BTRC: variants seen among roughly 807,000 people sequenced by gnomAD.
BTRC encodes beta-transducin repeat containing E3 ubiquitin protein ligase, also known as F-box/WD repeat-containing protein 1A.
Under a neutral mutation model 85.5 loss-of-function variants are expected in BTRC, and 42 were observed. That is an observed-to-expected ratio of 0.49 (90% CI 0.38 to 0.64). The LOEUF is 0.64. Among genes scored for constraint, BTRC ranks in the 30% least tolerant of loss-of-function variants. BTRC has a pLI of 0.00. For missense variants in BTRC, 594 were observed against 743.5 expected (o/e 0.80, Z 2.34); for synonymous variants, 255 against 263.3 (o/e 0.97, Z 0.30).
intron 1 of BTRC, among the ~76,000 whole-genome samples, chr10:101,362,102 A>G (rs1942224672): frequency 6.6e-6 from 1 of 152,052 alleles, no homozygotes; most frequent in Admixed American, 6.6e-5. Flanking sequence ...CTGGGATTAC[A>G]GGCACGTACC....
intron 4 of BTRC, among the ~76,000 whole-genome samples, chr10:101,519,951 C>T (rs376069351): frequency 1.3e-5 from 2 of 152,112 alleles, no homozygotes; most frequent in Middle Eastern, 3.4e-3. Context: ...GCCGAGATCA[C>T]GCTATTGCAC....
intron 2 of BTRC, among the ~76,000 whole-genome samples, chr10:101,441,091 A>C (rs1464964056): frequency 6.6e-6 from 1 of 152,234 alleles, no homozygotes; most frequent in Admixed American, 6.5e-5. Context: ...GTTTTCAAAA[A>C]TCATTCTTGT....
At chr10:101,529,979 C>T (rs951972425) in intron 6 of BTRC, among the ~76,000 whole-genome samples, 1 of 152,206 alleles carries the variant, frequency 6.6e-6, no homozygotes, top group Non-Finnish European at 1.5e-5. Context: ...GGTTTACTAG[C>T]TTCCACACCG....
chr10:101,446,992 G>T (rs1346200660), intron 2 of BTRC, among the ~76,000 whole-genome samples: 4 of 151,674 alleles, frequency 2.6e-5, no homozygotes, highest in Non-Finnish European at 1.5e-5. Flanking sequence ...TGAATACTGT[G>T]GGGGGTGGTG....
At chr10:101,481,391 T>C (rs1212145928) in intron 4 of BTRC, among the ~76,000 whole-genome samples, 1 of 152,298 alleles carries the variant, frequency 6.6e-6, no homozygotes, top group East Asian at 1.9e-4. Flanking sequence ...GACTTCTGGC[T>C]AAATAAGGTA....
At chr10:101,398,637 C>T (rs932556427) in intron 1 of BTRC, among the ~76,000 whole-genome samples, 2 of 152,190 alleles carry the variant, frequency 1.3e-5, no homozygotes, top group African/African-American at 2.4e-5. Flanking sequence ...TTTAATTGCA[C>T]ATAGTTGAAC....
intron 4 of BTRC, among the ~76,000 whole-genome samples, chr10:101,493,182 C>T (rs547101798): frequency 2.6e-5 from 4 of 152,130 alleles, no homozygotes; most frequent in East Asian, 1.9e-4. Flanking sequence ...TTCACTTGCA[C>T]GGGTAGGTTC....
chr10:101,468,604 G>T (rs1945441351), intron 3 of BTRC, among the ~76,000 whole-genome samples: 1 of 152,022 alleles, frequency 6.6e-6, no homozygotes, highest in Admixed American at 6.6e-5. Flanking sequence ...CCATATTCTT[G>T]TGTGGGACAT....
chr10:101,411,237 A>G (rs1159341824), intron 1 of BTRC, among the ~76,000 whole-genome samples: 1 of 151,824 alleles, frequency 6.6e-6, no homozygotes, highest in Non-Finnish European at 1.5e-5. Context: ...CAAGAAATCT[A>G]CCTGCCTCGG....
intron 4 of BTRC, among the ~76,000 whole-genome samples, chr10:101,484,033 T>C (rs779007184): frequency 3.9e-5 from 6 of 152,238 alleles, no homozygotes; most frequent in Admixed American, 6.5e-5. Flanking sequence ...TTGAATTGTT[T>C]GAATACATCT....
chr10:101,377,416 A>G (rs773847300), intron 1 of BTRC, among the ~76,000 whole-genome samples: 2 of 152,228 alleles, frequency 1.3e-5, no homozygotes, highest in Non-Finnish European at 2.9e-5. Context: ...ATGAGGGAGA[A>G]TTGCGTGATA....
chr10:101,454,127 C>CT (rs34726593), intron 2 of BTRC, among the ~76,000 whole-genome samples: 2 of 152,070 alleles, frequency 1.3e-5, no homozygotes, highest in South Asian at 2.1e-4. Flanking sequence ...CAAAACAAAA[C>CT]TTTTTTTTAA....
intron 6 of BTRC, among the ~76,000 whole-genome samples, chr10:101,530,947 C>T (rs990408655): frequency 1.2e-4 from 19 of 152,108 alleles, no homozygotes; most frequent in South Asian, 6.2e-4. Flanking sequence ...GCCAAGCAGG[C>T]GGGTCATTTG....
chr10:101,506,119 G>C (rs916763116), intron 4 of BTRC, among the ~76,000 whole-genome samples: 1 of 152,086 alleles, frequency 6.6e-6, no homozygotes, highest in Non-Finnish European at 1.5e-5. Context: ...TCACCATGTT[G>C]GTCAGGCTGA....
At chr10:101,366,798 T>TAATATATATA (rs1564729692) in intron 1 of BTRC, among the ~76,000 whole-genome samples, 3 of 87,790 alleles carry the variant, frequency 3.4e-5, no homozygotes, top group Non-Finnish European at 6.2e-5. Context: ...ATTTTTACAT[T>TAATATATATA]TATATATATA....
chr10:101,526,014 T>A lies in BTRC; in HGVS notation c.558T>A (p.Ala186=), dbSNP rs2062185987. The A allele has an allele frequency of 6.2e-7, 1 of 1,613,036 alleles. No individual in the cohort carries two copies. The highest frequency in any genetic ancestry group is 1.3e-5 in the African/African-American group (1 of 74,898). ...TTTGCCTCCTCCCCCTACTGAAAGC[T>A]CGGGGATTGGATCATATTGCTGAGA... ...LQRDFITALP[A]RGLDHIAENI... The change falls in exon 6 of 15, where the codon GCT becomes GCA. Residue 186 remains alanine, a splice_region_variant and synonymous_variant. Coordinates refer to ENST00000370187, the MANE Select transcript of BTRC (RefSeq NM_033637.4).
At chr10:101,460,935 C>T (rs1192672549) in intron 2 of BTRC, among the ~76,000 whole-genome samples, 1 of 152,110 alleles carries the variant, frequency 6.6e-6, no homozygotes, top group Non-Finnish European at 1.5e-5. Context: ...CGGAACCTTG[C>T]TCTGTCACTC....
chr10:101,434,625 A>T (rs1944480530), intron 2 of BTRC, among the ~76,000 whole-genome samples: 1 of 152,016 alleles, frequency 6.6e-6, no homozygotes, highest in Admixed American at 6.6e-5. Context: ...TTTTCAAAAG[A>T]CACTTTAAAA....
At chr10:101,402,160 C>G (rs12414526) in intron 1 of BTRC, among the ~76,000 whole-genome samples, 54,848 of 151,966 alleles carry the variant, frequency 0.36, 10,989 homozygotes, top group Middle Eastern at 0.48. Context: ...AGGTACACAG[C>G]TACTTCATAT....
Sources: allele counts gnomAD v4.1 joint callset (sites outside exome capture counted in the v4.1 genomes callset), GRCh38; gene constraint gnomAD v4.1.1; transcripts MANE v1.5; gene names NCBI Gene and HGNC (gene_info 2026-07-23, HGNC 2026-07-21).